Variants in KIF26B observed in about 807,000 individuals in gnomAD.
KIF26B encodes the protein kinesin-like protein KIF26B.
In KIF26B, 63 loss-of-function variants were observed where a neutral mutation model predicts 151.2. The observed-to-expected ratio is 0.42, with a 90% CI of 0.34 to 0.51. KIF26B has a LOEUF of 0.51. KIF26B is among the 20% of genes least tolerant of loss of function. The pLI, the probability that KIF26B is intolerant of heterozygous loss-of-function variation, is 0.07. For missense variants in KIF26B, 2,813 were observed against 2,913.6 expected (o/e 0.97, Z 0.79); for synonymous variants, 1,357 against 1,262.1 (o/e 1.08, Z -1.59).
chr1:245,453,375 C>T (rs1659440193), intron 4 of KIF26B, among the ~76,000 whole-genome samples: 2 of 152,100 alleles, frequency 1.3e-5, no homozygotes, highest in African/African-American at 4.8e-5. Context: ...TTATTCATCA[C>T]AATTTTTTGC....
At chr1:245,246,930 GACACACACAGATACAGACACACAC>G (rs1312265211) in intron 2 of KIF26B, among the ~76,000 whole-genome samples, 21 of 144,154 alleles carry the variant, frequency 1.5e-4, no homozygotes, top group Non-Finnish European at 2.7e-4. Flanking sequence ...CACAGACACA[GACACACACAGATACAGACACACAC>G]ACACACACAG....
At position 245,203,856 on chromosome 1, in the gene KIF26B, G is replaced by A. The variant is rs192733799; in HGVS notation, c.465+47173G>A. Among the ~76,000 whole-genome samples the A allele has an allele frequency of 5.4e-3, 818 of 152,234 alleles. 9 individuals are homozygous for A. Among genetic ancestry groups the A allele is most frequent in the African/African-American group, 0.018 (760 of 41,534 alleles). On this transcript the variant is annotated intron_variant, in intron 2 of 14. Coordinates refer to ENST00000407071, the MANE Select transcript of KIF26B (RefSeq NM_018012.4). ...TCCTGTATGTTTTGTGGCTACATTC[G>A]TATTCCAGTTGCTAGAGCAGAGGGG... is the stretch of plus-strand genomic sequence containing the variant.
At chr1:245,295,923 G>C (rs550586495) in intron 2 of KIF26B, among the ~76,000 whole-genome samples, 2 of 152,320 alleles carry the variant, frequency 1.3e-5, no homozygotes, top group East Asian at 3.9e-4. Flanking sequence ...TTTAGAACTT[G>C]AGTTGGCCTG....
intron 10 of KIF26B, among the ~76,000 whole-genome samples, chr1:245,681,922 TA>T (rs999891363): frequency 2.0e-5 from 3 of 152,240 alleles, no homozygotes; most frequent in Non-Finnish European, 4.4e-5. Context: ...CACAGAAACC[TA>T]AACCATACGT....
At position 245,479,061 on chromosome 1, in the gene KIF26B, A is replaced by G. The variant is rs72635967; in HGVS notation, c.1166+59316A>G. On this transcript the variant is annotated intron_variant, in intron 4 of 14. Transcript: ENST00000407071. ...TGAATGCACCGAGGTGGAGATGCCTACTAGACATCAAGAGGAGACGTCCAG... is the reference window on the plus strand; with the variant it reads ...TGAATGCACCGAGGTGGAGATGCCTGCTAGACATCAAGAGGAGACGTCCAG... Among the ~76,000 whole-genome samples, 370 of 151,818 alleles carry G rather than the reference A, an allele frequency of 2.4e-3. 13 individuals are homozygous for G. In the East Asian group the frequency reaches 0.058, roughly 24 times the overall value.
intron 12 of KIF26B, among the ~76,000 whole-genome samples, chr1:245,691,923 A>G (rs2044630528): frequency 6.6e-6 from 1 of 152,178 alleles, no homozygotes; most frequent in East Asian, 1.9e-4. Flanking sequence ...CAGTGAATTA[A>G]GTTAGAAAGC....
chr1:245,688,797 C>T lies in KIF26B; in HGVS notation c.5814C>T (p.Arg1938=). Residue 1938 remains arginine, a synonymous_variant, in exon 12 of 15, where the codon CGC becomes CGT. Transcript: ENST00000407071. ...GGAGCCTCAAGACCCCGAAGAAACGCTCCAATCCAGGTAGGCGGCTGGGCG... is the reference window on the plus strand; with the variant it reads ...GGAGCCTCAAGACCCCGAAGAAACGTTCCAATCCAGGTAGGCGGCTGGGCG... ...RCRSLKTPKK[R]SNPGSQRRRL... 1 of 1,579,462 alleles carries T rather than the reference C, an allele frequency of 6.3e-7. No individual in the cohort carries two copies. Among genetic ancestry groups the T allele is most frequent in the Non-Finnish European group, 8.6e-7 (1 of 1,159,708 alleles).
intron 2 of KIF26B, among the ~76,000 whole-genome samples, chr1:245,276,728 C>T (rs1429260783): frequency 6.6e-6 from 1 of 152,180 alleles, no homozygotes; most frequent in Non-Finnish European, 1.5e-5. Flanking sequence ...TCTGGTTTTG[C>T]AGCAGCCTGA....
intron 5 of KIF26B, among the ~76,000 whole-genome samples, chr1:245,581,683 A>G (rs1183071280): frequency 6.6e-6 from 1 of 152,170 alleles, no homozygotes; most frequent in Non-Finnish European, 1.5e-5. Flanking sequence ...TGTGGATGCT[A>G]CGCTGGCTTC....
At chr1:245,592,062 AG>A (rs1474441288) in intron 5 of KIF26B, among the ~76,000 whole-genome samples, 6 of 152,180 alleles carry the variant, frequency 3.9e-5, no homozygotes, top group African/African-American at 1.4e-4. Context: ...AGCGCTTCTT[AG>A]AGCACATCTC....
At chr1:245,585,708 T>G (rs2043217694) in intron 5 of KIF26B, among the ~76,000 whole-genome samples, 1 of 152,230 alleles carries the variant, frequency 6.6e-6, no homozygotes, top group Non-Finnish European at 1.5e-5. Context: ...TTCCATGAAT[T>G]CAAATACATT....
At chr1:245,416,588 A>G (rs1674425721) in intron 3 of KIF26B, among the ~76,000 whole-genome samples, 1 of 152,144 alleles carries the variant, frequency 6.6e-6, no homozygotes, top group Non-Finnish European at 1.5e-5. Flanking sequence ...TACTGAGGGA[A>G]AAGATTGAGG....
At chr1:245,220,152 G>A (rs897565827) in intron 2 of KIF26B, among the ~76,000 whole-genome samples, 1 of 152,180 alleles carries the variant, frequency 6.6e-6, no homozygotes, top group Admixed American at 6.5e-5. Context: ...GTAATTTGGG[G>A]GGTGTGGGAA....
intron 2 of KIF26B, among the ~76,000 whole-genome samples, chr1:245,349,773 T>A (rs1004328756): frequency 2.0e-5 from 3 of 152,178 alleles, no homozygotes; most frequent in Non-Finnish European, 2.9e-5. Context: ...AGATCTGGTA[T>A]TAATCAAGCC....
At chr1:245,211,721 A>G (rs1189230858) in intron 2 of KIF26B, among the ~76,000 whole-genome samples, 1 of 152,202 alleles carries the variant, frequency 6.6e-6, no homozygotes, top group African/African-American at 2.4e-5. Flanking sequence ...TTATAAAGAA[A>G]AAAATTTAAA....
intron 10 of KIF26B, among the ~76,000 whole-genome samples, chr1:245,668,112 T>C (rs58242486): frequency 0.037 from 5,672 of 152,200 alleles, 345 homozygotes; most frequent in African/African-American, 0.13. Context: ...GTCAGGCTGG[T>C]CTTAAACTCC....
In KIF26B at chr1:245,166,466, G is replaced by T. The variant is rs566415864; in HGVS notation, c.465+9783G>T. Among the ~76,000 whole-genome samples the T allele has an allele frequency of 7.2e-5, 11 of 152,302 alleles. 1 individual carries two copies. The highest frequency in any genetic ancestry group is 2.6e-4 in the Admixed American group (4 of 15,308). ...AGGGAGCTCAGTGGATGTAAATAGC[G>T]ACTCCTTTGGGTTGAGGTGCCATGA... On this transcript the variant is annotated intron_variant, in intron 2 of 14. Transcript: ENST00000407071. This position sits in a 1 kb window ranked among gnomAD's most constrained non-coding sequence, Gnocchi z 4.5.
chr1:245,387,168 G>GTTTTTTT (rs11453729), intron 3 of KIF26B, among the ~76,000 whole-genome samples: 2 of 140,098 alleles, frequency 1.4e-5, no homozygotes, highest in African/African-American at 2.8e-5. Flanking sequence ...TTTGTTTTTT[G>GTTTTTTT]TTTTTTGTTT....
At chr1:245,660,992 T>TC (rs933483958) in intron 10 of KIF26B, among the ~76,000 whole-genome samples, 2 of 149,310 alleles carry the variant, frequency 1.3e-5, no homozygotes, top group Non-Finnish European at 3.0e-5. Context: ...CTTTTTTCTT[T>TC]TTTTTTTTTT....
Sources: allele counts gnomAD v4.1 joint callset (sites outside exome capture counted in the v4.1 genomes callset), GRCh38; gene constraint gnomAD v4.1.1; non-coding constraint Gnocchi (gnomAD v3.1); transcripts MANE v1.5; gene names NCBI Gene and HGNC (gene_info 2026-07-23, HGNC 2026-07-21).